DOCK3: variants seen among roughly 807,000 people sequenced by gnomAD.
The protein encoded by DOCK3 is dedicator of cytokinesis 3, also known as dedicator of cytokinesis protein 3.
Under a neutral mutation model 265.6 loss-of-function variants are expected in DOCK3, and 60 were observed. The observed-to-expected ratio is 0.23, with a 90% CI of 0.18 to 0.28. DOCK3 has a LOEUF of 0.28. Among genes scored for constraint, DOCK3 ranks in the 10% least tolerant of loss-of-function variants. The pLI is 1.00. For missense variants in DOCK3, 1,981 were observed against 2,594.3 expected (o/e 0.76, Z 5.14); for synonymous variants, 881 against 938.0 (o/e 0.94, Z 1.11).
chr3:51,312,936 T>C, intron 31 of DOCK3, 34 bp downstream of exon 31: 1 of 1,566,050 alleles, frequency 6.4e-7, no homozygotes. Context: ...CCCTTCTATA[T>C]ATTGCATAGC....
chr3:50,732,088 AT>A (rs1056899812), intron 1 of DOCK3, among the ~76,000 whole-genome samples: 6 of 152,000 alleles, frequency 3.9e-5, no homozygotes, highest in Admixed American at 3.3e-4. Context: ...TGGGTGCTGC[AT>A]TTCTTTCATG....
At chr3:50,895,983 G>A (rs909970884) in intron 4 of DOCK3, among the ~76,000 whole-genome samples, 6 of 152,054 alleles carry the variant, frequency 3.9e-5, no homozygotes, top group Non-Finnish European at 5.9e-5. Context: ...ATAAACATAC[G>A]CATGCATGTG....
intron 5 of DOCK3, among the ~76,000 whole-genome samples, chr3:50,962,619 T>G (rs2076919272): frequency 6.6e-6 from 1 of 152,232 alleles, no homozygotes; most frequent in Non-Finnish European, 1.5e-5. Context: ...TTTGAATATT[T>G]TTATAAAAAT....
At chr3:51,308,722 T>C (rs1242238532) in intron 27 of DOCK3, among the ~76,000 whole-genome samples, 6 of 152,242 alleles carry the variant, frequency 3.9e-5, no homozygotes, top group Non-Finnish European at 8.8e-5. Flanking sequence ...CCGTTCTCAA[T>C]GAGCTGTTGG....
chr3:51,258,266 C>T (rs1290426934), intron 22 of DOCK3, among the ~76,000 whole-genome samples: 1 of 152,146 alleles, frequency 6.6e-6, no homozygotes, highest in Non-Finnish European at 1.5e-5. Context: ...TTAGATTTGC[C>T]TACCTCTCAG....
At chr3:50,690,383 C>T (rs978701668) in intron 1 of DOCK3, among the ~76,000 whole-genome samples, 1 of 152,000 alleles carries the variant, frequency 6.6e-6, no homozygotes, top group African/African-American at 2.4e-5. Flanking sequence ...ACCCTTCTAC[C>T]TTGGCCTCCC....
intron 3 of DOCK3, among the ~76,000 whole-genome samples, chr3:50,875,472 TCC>T (rs1439474403): frequency 1.6e-4 from 25 of 152,302 alleles, no homozygotes; most frequent in South Asian, 6.2e-4. Context: ...TCAGGTAAAT[TCC>T]TTCCATACCC....
intron 1 of DOCK3, among the ~76,000 whole-genome samples, chr3:50,726,847 C>CA (rs1304117846): frequency 5.3e-5 from 8 of 151,608 alleles, no homozygotes; most frequent in African/African-American, 1.7e-4. Flanking sequence ...TGGATTTTAA[C>CA]AAAAAAAATT....
intron 1 of DOCK3, among the ~76,000 whole-genome samples, chr3:50,757,445 T>G (rs1379022960): frequency 6.6e-6 from 1 of 152,176 alleles, no homozygotes; most frequent in African/African-American, 2.4e-5. Flanking sequence ...GTGCTGCGAT[T>G]ACAGGCGTGA....
At chr3:50,737,896 T>C (rs1443803632) in intron 1 of DOCK3, among the ~76,000 whole-genome samples, 2 of 152,216 alleles carry the variant, frequency 1.3e-5, no homozygotes, top group African/African-American at 4.8e-5. Context: ...AGTTTCTAGC[T>C]CTCTTTAGGG....
At chr3:50,746,273 AT>A (rs1356245941) in intron 1 of DOCK3, among the ~76,000 whole-genome samples, 1 of 151,830 alleles carries the variant, frequency 6.6e-6, no homozygotes, top group African/African-American at 2.4e-5. Flanking sequence ...TGCCTGGCTA[AT>A]TTTTGTATTT....
chr3:51,061,478 C>T (rs976311306), intron 5 of DOCK3, among the ~76,000 whole-genome samples: 9 of 151,942 alleles, frequency 5.9e-5, no homozygotes, highest in East Asian at 3.9e-4. Context: ...AACCAAACAC[C>T]GCATGTTCTC....
chr3:50,907,988 A>G (rs1220440165), intron 4 of DOCK3, among the ~76,000 whole-genome samples: 1 of 151,596 alleles, frequency 6.6e-6, no homozygotes, highest in Admixed American at 6.6e-5. Context: ...TTTCTTCTAG[A>G]TTTTCTAGTT....
intron 32 of DOCK3, among the ~76,000 whole-genome samples, chr3:51,328,438 C>T (rs185939969): frequency 6.6e-6 from 1 of 152,264 alleles, no homozygotes; most frequent in Admixed American, 6.5e-5. Context: ...CTCTACCTGA[C>T]TTGACATAAC....
At chr3:51,172,397 C>T (rs2086727826) in intron 12 of DOCK3, among the ~76,000 whole-genome samples, 1 of 152,094 alleles carries the variant, frequency 6.6e-6, no homozygotes, top group Non-Finnish European at 1.5e-5. Context: ...AGGATGGTCT[C>T]CATCTCCTGA....
At chr3:50,945,567 G>C (rs1371741398) in intron 5 of DOCK3, among the ~76,000 whole-genome samples, 4 of 152,044 alleles carry the variant, frequency 2.6e-5, no homozygotes, top group Non-Finnish European at 5.9e-5. Context: ...TCTGAATTCT[G>C]CTGTATAATC....
chr3:50,959,801 C>G (rs544928725), intron 5 of DOCK3, among the ~76,000 whole-genome samples: 121 of 152,036 alleles, frequency 8.0e-4, no homozygotes, highest in Non-Finnish European at 1.5e-3. Context: ...AGGATGGTCT[C>G]GATCTCCTGA....
intron 5 of DOCK3, among the ~76,000 whole-genome samples, chr3:51,045,844 G>T (rs1218982710): frequency 6.6e-6 from 1 of 152,110 alleles, no homozygotes; most frequent in Non-Finnish European, 1.5e-5. Flanking sequence ...CTTACCATGA[G>T]CATCTTATTT....
intron 7 of DOCK3, among the ~76,000 whole-genome samples, chr3:51,086,774 G>A (rs1456571854): frequency 1.3e-5 from 2 of 152,134 alleles, no homozygotes; most frequent in African/African-American, 2.4e-5. Flanking sequence ...CTCCAGCCTG[G>A]GCGACAGAGT....
Sources: allele counts gnomAD v4.1 joint callset (sites outside exome capture counted in the v4.1 genomes callset), GRCh38; gene constraint gnomAD v4.1.1; transcripts MANE v1.5; gene names NCBI Gene and HGNC (gene_info 2026-07-23, HGNC 2026-07-21).